Variants in TNR observed in about 807,000 individuals in gnomAD.
TNR encodes the protein tenascin R.
A neutral mutation model predicts 150.4 loss-of-function variants in TNR; 45 were observed. That is an observed-to-expected ratio of 0.30 (90% CI 0.24 to 0.38). The LOEUF (loss-of-function observed/expected upper bound fraction) is 0.38, where lower values mean the gene tolerates loss of function less well. Ranked by LOEUF, TNR falls within the 10% of genes least tolerant of loss-of-function variation. TNR has a pLI of 1.00. For synonymous variants in TNR, 687 were observed against 678.4 expected (o/e 1.01, Z -0.20); for missense variants, 1,544 against 1,759.1 (o/e 0.88, Z 2.19).
intron 1 of TNR, among the ~76,000 whole-genome samples, chr1:175,664,186 G>C (rs1348566065): frequency 6.6e-6 from 1 of 152,254 alleles, no homozygotes; most frequent in Non-Finnish European, 1.5e-5. Context: ...ACCAGCTACA[G>C]CCAGCTGGCC....
chr1:175,353,851 A>ATTTTTTT (rs55981326), intron 18 of TNR, among the ~76,000 whole-genome samples: 304 of 146,192 alleles, frequency 2.1e-3, no homozygotes, highest in African/African-American at 5.8e-3. Flanking sequence ...ATTTTTATTT[A>ATTTTTTT]TTTTTTTTTT....
intron 2 of TNR, among the ~76,000 whole-genome samples, chr1:175,517,012 T>TGA (rs58416273): frequency 0.02 from 2,442 of 120,342 alleles, 18 homozygotes; most frequent in African/African-American, 0.026. Context: ...ATCTGAAAGC[T>TGA]GAGAGAGAGA....
At position 175,353,871 on chromosome 1, in the gene TNR, A is replaced by C. The variant is rs578252560; in HGVS notation, c.3382+520T>G. On this transcript the variant is annotated intron_variant, in intron 18 of 22. Coordinates refer to ENST00000367674, the MANE Select transcript of TNR (RefSeq NM_003285.3). ...TATTTATTTTTTTTTTTTGAGACGG[A>C]GTCTCACTTTTTCACCCAGGCTGGA... Among the ~76,000 whole-genome samples the C allele has an allele frequency of 6.3e-3, 935 of 147,302 alleles. 3 individuals are homozygous for C. Among genetic ancestry groups the C allele is most frequent in the South Asian group, 0.025 (119 of 4,694 alleles).
intron 18 of TNR, among the ~76,000 whole-genome samples, chr1:175,345,105 C>CA (rs1392955732): frequency 6.6e-6 from 1 of 151,316 alleles, no homozygotes; most frequent in Non-Finnish European, 1.5e-5. Context: ...GAGACTCTGT[C>CA]AAAAAAACAA....
At chr1:175,413,834 A>C (rs1028168332) in intron 2 of TNR, among the ~76,000 whole-genome samples, 4 of 152,176 alleles carry the variant, frequency 2.6e-5, no homozygotes, top group African/African-American at 9.6e-5. Context: ...TAGTGCCCTT[A>C]TAAAAGACGT....
At chr1:175,477,095 A>C (rs1471340371) in intron 2 of TNR, among the ~76,000 whole-genome samples, 1 of 152,234 alleles carries the variant, frequency 6.6e-6, no homozygotes, top group Non-Finnish European at 1.5e-5. Flanking sequence ...ACCTGCAAGG[A>C]TAAATGAGAT....
At chr1:175,386,001 C>T (rs1488971725) in intron 8 of TNR, 31 bp downstream of exon 8, 3 of 1,534,196 alleles carry the variant, frequency 2.0e-6, no homozygotes, top group Non-Finnish European at 2.6e-6. Flanking sequence ...TCTTTCCCTC[C>T]TTGTGCGTCT....
At chr1:175,560,398 G>A (rs184032150) in intron 1 of TNR, among the ~76,000 whole-genome samples, 97 of 152,350 alleles carry the variant, frequency 6.4e-4, no homozygotes, top group Non-Finnish European at 1.1e-3. Flanking sequence ...AGCTGCCTGC[G>A]CATGGCTGGT....
At chr1:175,551,125 A>G (rs1660920404) in intron 1 of TNR, among the ~76,000 whole-genome samples, 1 of 152,252 alleles carries the variant, frequency 6.6e-6, no homozygotes, top group Non-Finnish European at 1.5e-5. Flanking sequence ...TCTTCTATGG[A>G]GGATCTCATT....
chr1:175,373,906 G>A (rs1179387249), intron 9 of TNR, among the ~76,000 whole-genome samples: 2 of 152,226 alleles, frequency 1.3e-5, no homozygotes, highest in East Asian at 1.9e-4. Context: ...CTTCAACTTG[G>A]GTCTCTGCAG....
intron 2 of TNR, among the ~76,000 whole-genome samples, chr1:175,491,155 T>A (rs575119553): frequency 2.6e-4 from 40 of 151,280 alleles, no homozygotes; most frequent in African/African-American, 9.2e-4. Flanking sequence ...CACTTATAAG[T>A]GGGAGCTGAA....
At chr1:175,573,006 T>G (rs1661942441) in intron 1 of TNR, among the ~76,000 whole-genome samples, 1 of 152,136 alleles carries the variant, frequency 6.6e-6, no homozygotes, top group Non-Finnish European at 1.5e-5. Context: ...GAAGATTGAC[T>G]GTTAAATATC....
At chr1:175,687,568 ATTTCTAAACC>A (rs1666241500) in intron 1 of TNR, among the ~76,000 whole-genome samples, 1 of 151,798 alleles carries the variant, frequency 6.6e-6, no homozygotes, top group South Asian at 2.1e-4. Flanking sequence ...CTTCTTCCCC[ATTTCTAAACC>A]TTTCTAGACA....
intron 2 of TNR, among the ~76,000 whole-genome samples, chr1:175,474,233 A>G (rs2019605): frequency 0.23 from 34,864 of 151,932 alleles, 4,282 homozygotes; most frequent in African/African-American, 0.32. Flanking sequence ...AACTCTCAGA[A>G]CCTCAGAATT....
At chr1:175,571,139 G>A (rs1421782435) in intron 1 of TNR, among the ~76,000 whole-genome samples, 9 of 152,194 alleles carry the variant, frequency 5.9e-5, no homozygotes, top group Middle Eastern at 3.4e-3. Context: ...ACCTTTGTCC[G>A]CAACCCATCC....
intron 1 of TNR, among the ~76,000 whole-genome samples, chr1:175,539,789 G>A (rs900345591): frequency 4.6e-5 from 7 of 152,050 alleles, no homozygotes; most frequent in African/African-American, 9.7e-5. Context: ...ACTACCATTA[G>A]GTTTATACCT....
chr1:175,468,252 T>G (rs1047926120), intron 2 of TNR, among the ~76,000 whole-genome samples: 1 of 151,792 alleles, frequency 6.6e-6, no homozygotes, highest in Non-Finnish European at 1.5e-5. Flanking sequence ...TGTGAATCCC[T>G]GTTCCACCTC....
At chr1:175,370,814 A>C (rs570752190) in intron 9 of TNR, among the ~76,000 whole-genome samples, 1 of 152,288 alleles carries the variant, frequency 6.6e-6, no homozygotes, top group East Asian at 1.9e-4. Flanking sequence ...CTAACATGTA[A>C]CATTTTCATC....
At position 175,323,270 on chromosome 1, in the gene TNR, C is replaced by T; in HGVS notation, c.*87G>A. 1 of 1,535,868 alleles carries T rather than the reference C, an allele frequency of 6.5e-7. No individual in the cohort carries two copies. Among genetic ancestry groups the T allele is most frequent in the East Asian group, 2.3e-5 (1 of 44,046 alleles). On this transcript the variant is annotated 3_prime_UTR_variant, in exon 23 of 23. Transcript: ENST00000367674. ...CATACTCTTAATATGTTGCAAAACA[C>T]ATTGCTATTACCCTCCCCCCTTGTT...
Sources: gnomAD v4.1 joint callset for allele counts (sites outside exome capture counted in the v4.1 genomes callset) on GRCh38, gnomAD v4.1.1 for gene constraint, MANE v1.5 for transcripts, NCBI Gene and HGNC (gene_info 2026-07-23, HGNC 2026-07-21) for gene names.